ALAD: variants seen among roughly 807,000 people sequenced by gnomAD.
ALAD encodes aminolevulinate dehydratase.
Under a neutral mutation model 44.4 loss-of-function variants are expected in ALAD, and 20 were observed. The observed-to-expected ratio is 0.45, with a 90% CI of 0.32 to 0.65. The LOEUF (loss-of-function observed/expected upper bound fraction) is 0.65. ALAD is among the 30% of genes least tolerant of loss of function. The probability of loss-of-function intolerance (pLI) is 0.05; values close to 1 mark genes in which losing one functional copy is unlikely to be tolerated. For synonymous variants in ALAD, 156 were observed against 167.9 expected, an observed-to-expected ratio of 0.93 and a Z score of 0.55; for missense variants, 323 against 445.7, an observed-to-expected ratio of 0.72 and a Z score of 2.48.
At chr9:113,397,620 CTTTTTT>C (rs554533853) in intron 1 of ALAD, among the ~76,000 whole-genome samples, 2 of 108,780 alleles carry the variant, frequency 1.8e-5, no homozygotes, top group East Asian at 2.4e-4. Flanking sequence ...TTTTCCTTTT[CTTTTTT>C]TTTTTTTTTT....
intron 9 of ALAD, 29 bp downstream of exon 9, chr9:113,389,570 A>T: frequency 6.2e-7 from 1 of 1,614,038 alleles, no homozygotes; most frequent in Non-Finnish European, 8.5e-7. Flanking sequence ...GAGGGGGCTG[A>T]GGGTGGGGCT....
chr9:113,393,383 A>C (rs375967745), intron 2 of ALAD, 64 bp downstream of exon 2: 1 of 1,333,374 alleles, frequency 7.5e-7, no homozygotes, highest in Non-Finnish European at 1.1e-6. Flanking sequence ...TCCAGTCAAC[A>C]CTCCCTCCCC....
intron 10 of ALAD, 102 bp from the exon 11 acceptor site, chr9:113,389,208 T>G: frequency 1.3e-6 from 2 of 1,537,542 alleles, no homozygotes; most frequent in South Asian, 2.3e-5. Flanking sequence ...TTGAGCCCCG[T>G]GTCCTGGGTT....
At chr9:113,393,401 A>AC in intron 2 of ALAD, 46 bp downstream of exon 2, 1 of 1,539,182 alleles carries the variant, frequency 6.5e-7, no homozygotes, top group Non-Finnish European at 9.0e-7. Flanking sequence ...CCCAACCCCA[A>AC]CCCCAACCAG....
intron 1 of ALAD, among the ~76,000 whole-genome samples, chr9:113,394,479 A>G (rs935203160): frequency 1.3e-5 from 2 of 151,996 alleles, no homozygotes; most frequent in East Asian, 3.9e-4. Context: ...TCAAGGTTGC[A>G]GTAAGCTATG....
intron 7 of ALAD, 75 bp from the exon 8 acceptor site, chr9:113,389,903 A>G: frequency 6.4e-7 from 1 of 1,573,080 alleles, no homozygotes; most frequent in Non-Finnish European, 8.7e-7. Flanking sequence ...CAGGGAGAGA[A>G]AGAACCTAGG....
At chr9:113,389,287 C>A in intron 10 of ALAD, 151 bp downstream of exon 10, 2 of 1,312,482 alleles carry the variant, frequency 1.5e-6, no homozygotes, top group East Asian at 2.5e-5. Flanking sequence ...GTGCAAGCCC[C>A]GACATAGAAG....
intron 1 of ALAD, among the ~76,000 whole-genome samples, chr9:113,395,732 A>G (rs1418643940): frequency 1.3e-5 from 2 of 152,200 alleles, no homozygotes; most frequent in Non-Finnish European, 2.9e-5. Flanking sequence ...CATGGCTCCA[A>G]TGGGAGTGAG....
At position 113,391,507 on chromosome 9, in the gene ALAD, C is replaced by A. The variant is rs1291429831; in HGVS notation, c.261+20G>T. The A allele has an allele frequency of 1.2e-6, 2 of 1,610,040 alleles. No individual in the cohort carries two copies. On this transcript the variant is annotated intron_variant, in intron 4 of 11. Transcript: ENST00000409155. ...GCGTGAGCGCAACCTCCCTTCTTAG[C>A]CCTTCCTTTGATTCTTCACCTTGGG...
chr9:113,393,311 C>G, intron 2 of ALAD, 136 bp downstream of exon 2: 4 of 772,418 alleles, frequency 5.2e-6, no homozygotes, highest in Non-Finnish European at 6.8e-6. Flanking sequence ...TAGCCTGCTT[C>G]CAGTGCCTTG....
intron 2 of ALAD, chr9:113,392,493 C>G (rs750845295): frequency 4.8e-6 from 2 of 418,176 alleles, no homozygotes; most frequent in Non-Finnish European, 8.1e-6. Context: ...CCTGGGTGAC[C>G]GTGGCCAAGT....
In ALAD at chr9:113,388,794, TTGCTTCACCGGGCCGTGTTC is replaced by T. The variant is rs566527551; in HGVS notation, c.931+163_931+182del. 2.0e-5 allele frequency among the ~76,000 whole-genome samples: 3 copies of T among 152,320 alleles called. No individual in the cohort carries two copies. The South Asian group carries it at 6.2e-4, about 32-fold the overall frequency. ...CACAACCAAAAATGAAGGGCTCTGC[TTGCTTCACCGGGCCGTGTTC>T]TATGCTGCAGTTCCATATCTCTTCC... On this transcript the variant is annotated intron_variant, in intron 11 of 11. Coordinates refer to ENST00000409155, the MANE Select transcript of ALAD (RefSeq NM_000031.6).
intron 1 of ALAD, among the ~76,000 whole-genome samples, chr9:113,394,641 C>T (rs1418796480): frequency 6.6e-6 from 1 of 152,158 alleles, no homozygotes; most frequent in Non-Finnish European, 1.5e-5. Flanking sequence ...AAGCACTGAT[C>T]TAGCCAACAT....
intron 11 of ALAD, 68 bp downstream of exon 11, chr9:113,388,909 C>T: frequency 1.9e-6 from 3 of 1,611,868 alleles, no homozygotes; most frequent in Non-Finnish European, 2.5e-6. Context: ...ACGTCGTTCC[C>T]CAATCTAGGC....
rs1018919534 is a variant in ALAD at position 113,387,811 on chromosome 9, G to A, written c.*489C>T. ...GGCAACCTCTGGCCTCGTGGGAAAT[G>A]CCTTCCAGTGGAATTGCGGCAAATT... On this transcript the variant is annotated 3_prime_UTR_variant, in exon 12 of 12. Transcript: ENST00000409155. The A allele has an allele frequency of 4.7e-6, 1 of 212,218 alleles. No homozygotes were observed. The highest frequency in any genetic ancestry group is 9.7e-6 in the Non-Finnish European group (1 of 102,700). The allele number at this position is 212,218 out of a possible 1,614,324, so 13.1% of individuals were successfully genotyped here.
chr9:113,389,836 G>A lies in ALAD; in HGVS notation c.571-8C>T, dbSNP rs372240962. ...GTAGCTCATCACCGATACCTATGGG[G>A]AGACAATGGAGGTCTTGGCTTATTC... On this transcript the variant is annotated splice_region_variant and splice_polypyrimidine_tract_variant and intron_variant, in intron 7 of 11. Transcript: ENST00000409155. 1.9e-6 allele frequency: 3 copies of A among 1,614,134 alleles called. No individual in the cohort carries two copies. Among genetic ancestry groups the A allele is most frequent in the Non-Finnish European group, 1.7e-6 (2 of 1,180,056 alleles).
intron 2 of ALAD, 141 bp from the exon 3 acceptor site, chr9:113,392,310 C>G (rs1588084832): frequency 6.4e-7 from 1 of 1,565,268 alleles, no homozygotes; most frequent in South Asian, 1.2e-5. Flanking sequence ...CAGTGTCTGG[C>G]TTCCCTGCCT....
At chr9:113,390,271 C>G (rs1224719915) in intron 7 of ALAD, 134 bp downstream of exon 7, 67 of 921,436 alleles carry the variant, frequency 7.3e-5, no homozygotes, top group Non-Finnish European at 6.8e-6. Context: ...ATCTACCTGC[C>G]TCAGCCTCCC....
At chr9:113,395,339 C>T (rs928988042) in intron 1 of ALAD, among the ~76,000 whole-genome samples, 1 of 152,180 alleles carries the variant, frequency 6.6e-6, no homozygotes, top group Non-Finnish European at 1.5e-5. Context: ...CTCCTTCCCT[C>T]TCCCACTGAG....
Sources: allele counts gnomAD v4.1 joint callset (sites outside exome capture counted in the v4.1 genomes callset), GRCh38; gene constraint gnomAD v4.1.1; transcripts MANE v1.5; gene names NCBI Gene and HGNC (gene_info 2026-07-23, HGNC 2026-07-21).